Variants in MAN1A2 observed in about 807,000 individuals in gnomAD.
MAN1A2 encodes mannosidase alpha class 1A member 2.
In MAN1A2, 26 loss-of-function variants were observed where a neutral mutation model predicts 75.7. The ratio of observed to expected loss-of-function variants is 0.34; its 90% CI spans 0.25 to 0.48. The LOEUF is 0.48. Among genes scored for constraint, MAN1A2 ranks in the 20% least tolerant of loss-of-function variants. The pLI is 0.99. For missense variants in MAN1A2, 562 were observed against 775.5 expected (o/e 0.72, Z 3.27); for synonymous variants, 247 against 264.6 (o/e 0.93, Z 0.65).
intron 8 of MAN1A2, among the ~76,000 whole-genome samples, chr1:117,472,564 A>G (rs780617367): frequency 3.3e-5 from 5 of 152,054 alleles, no homozygotes; most frequent in Admixed American, 6.6e-5. Flanking sequence ...ATGTGATGTA[A>G]TATAATGGTA....
chr1:117,430,036 C>T (rs1171253004), intron 5 of MAN1A2, among the ~76,000 whole-genome samples: 1 of 41,050 alleles, frequency 2.4e-5, no homozygotes. Context: ...GGGGGGCTGA[C>T]CCCCCCACCT....
In MAN1A2 at chr1:117,377,627, G is replaced by C. The variant is rs74112244; in HGVS notation, c.302+9142G>C. Among the ~76,000 whole-genome samples, 4 of 152,132 alleles carry C rather than the reference G, an allele frequency of 2.6e-5. No homozygotes were observed. In the South Asian group the frequency reaches 6.2e-4, roughly 24 times the overall value. ...AGTGACCTAGATGTCTGTCAGCAGG[G>C]TATTAGTTAAATAAATGATATATCC... On this transcript the variant is annotated intron_variant, in intron 1 of 12. Transcript: ENST00000356554.
At chr1:117,393,404 C>A (rs1230633931) in intron 1 of MAN1A2, among the ~76,000 whole-genome samples, 1 of 151,822 alleles carries the variant, frequency 6.6e-6, no homozygotes, top group Non-Finnish European at 1.5e-5. Flanking sequence ...GCTGACTATC[C>A]TATAGTCATT....
In MAN1A2 at chr1:117,525,288, A is replaced by C. The variant is rs868324800; in HGVS notation, c.*2331A>C. On this transcript the variant is annotated 3_prime_UTR_variant, in exon 13 of 13. Coordinates refer to ENST00000356554, the MANE Select transcript of MAN1A2 (RefSeq NM_006699.5). ...CTATGTGATGGAAAGACTAGAGCTTATAAAAGTACTTCCATTTTTTTATTC... is the reference window on the plus strand; with the variant it reads ...CTATGTGATGGAAAGACTAGAGCTTCTAAAAGTACTTCCATTTTTTTATTC... The C allele has an allele frequency of 3.7e-6, 1 of 272,584 alleles. No individual in the cohort carries two copies. Among genetic ancestry groups the C allele is most frequent in the South Asian group, 4.0e-5 (1 of 24,726 alleles). The allele number at this position is 272,584 out of a possible 1,614,324, so 16.9% of individuals were successfully genotyped here.
At chr1:117,447,056 A>G (rs73018153) in intron 6 of MAN1A2, among the ~76,000 whole-genome samples, 2,745 of 152,224 alleles carry the variant, frequency 0.018, 23 homozygotes, top group East Asian at 0.053. Context: ...GAAGTTTATC[A>G]GATATTAATG....
chr1:117,478,034 A>C (rs896645193), intron 8 of MAN1A2, among the ~76,000 whole-genome samples: 1 of 152,074 alleles, frequency 6.6e-6, no homozygotes, highest in Admixed American at 6.6e-5. Context: ...CCCATTCACA[A>C]TTGCTACAAA....
chr1:117,442,970 A>G (rs1649092396), intron 6 of MAN1A2, among the ~76,000 whole-genome samples: 1 of 152,184 alleles, frequency 6.6e-6, no homozygotes, highest in South Asian at 2.1e-4. Context: ...AGAGATATAC[A>G]ATTAACATTT....
intron 5 of MAN1A2, among the ~76,000 whole-genome samples, chr1:117,433,160 G>A (rs999455977): frequency 6.6e-6 from 1 of 151,958 alleles, no homozygotes; most frequent in Non-Finnish European, 1.5e-5. Context: ...AGTACAGCGT[G>A]ATAATTCCCA....
At chr1:117,437,540 TGTA>T (rs1459289774) in intron 5 of MAN1A2, among the ~76,000 whole-genome samples, 1 of 152,098 alleles carries the variant, frequency 6.6e-6, no homozygotes, top group Admixed American at 6.5e-5. Context: ...TAATGCAAGG[TGTA>T]GGAGTGTGTG....
intron 1 of MAN1A2, among the ~76,000 whole-genome samples, chr1:117,400,096 T>C (rs1193476054): frequency 6.6e-6 from 1 of 152,044 alleles, no homozygotes; most frequent in East Asian, 1.9e-4. Context: ...TCTGCCTGAG[T>C]CGCCTGAACA....
chr1:117,373,810 G>T (rs756125829), intron 1 of MAN1A2, among the ~76,000 whole-genome samples: 8 of 152,042 alleles, frequency 5.3e-5, no homozygotes, highest in African/African-American at 1.9e-4. Flanking sequence ...TATTTTTATC[G>T]ATATGGATAC....
At position 117,502,962 on chromosome 1, in the gene MAN1A2, A is replaced by G. The variant is rs750844204; in HGVS notation, c.1785A>G (p.Glu595=). ...DDVQQSFFLA[E]TLKYLYLLFS... is the part of the protein sequence containing the mutation. ...TACAGCAGAGCTTTTTTCTTGCTGA[A>G]ACATTAAAGTAAGTATATAGCTTTA... Residue 595 remains glutamate (E), a synonymous_variant, in exon 12 of 13, where the codon GAA becomes GAG. Coordinates refer to ENST00000356554, the MANE Select transcript of MAN1A2 (RefSeq NM_006699.5). 5 of 1,568,864 alleles carry G rather than the reference A, an allele frequency of 3.2e-6. No individual in the cohort carries two copies. The South Asian group carries it at 5.7e-5, about 18-fold the overall frequency.
chr1:117,416,859 C>A (rs936921733), intron 4 of MAN1A2, among the ~76,000 whole-genome samples: 1 of 152,228 alleles, frequency 6.6e-6, no homozygotes, highest in South Asian at 2.1e-4. Context: ...GAGGAGGAGA[C>A]ACCTAGCCAA....
chr1:117,484,200 AG>A (rs1650592525), intron 8 of MAN1A2, among the ~76,000 whole-genome samples: 1 of 151,958 alleles, frequency 6.6e-6, no homozygotes, highest in South Asian at 2.1e-4. Context: ...AGTAAGCCAG[AG>A]AAAATAAAAT....
intron 1 of MAN1A2, among the ~76,000 whole-genome samples, chr1:117,396,304 T>C (rs559754571): frequency 8.3e-4 from 126 of 152,312 alleles, no homozygotes; most frequent in African/African-American, 2.8e-3. Context: ...TTCTATCAAC[T>C]ATGACACATT....
At chr1:117,462,223 T>C (rs1026249709) in intron 7 of MAN1A2, among the ~76,000 whole-genome samples, 2 of 152,150 alleles carry the variant, frequency 1.3e-5, no homozygotes, top group African/African-American at 4.8e-5. Context: ...AAAAATACCC[T>C]GTAACCCAGC....
intron 6 of MAN1A2, among the ~76,000 whole-genome samples, chr1:117,449,495 C>G: frequency 6.7e-6 from 1 of 149,954 alleles, no homozygotes; most frequent in East Asian, 2.0e-4. Context: ...GGAAGCAGAG[C>G]TTGCAGTGAG....
chr1:117,411,619 A>G (rs1647821065), intron 3 of MAN1A2, among the ~76,000 whole-genome samples: 1 of 151,832 alleles, frequency 6.6e-6, no homozygotes, highest in South Asian at 2.1e-4. Context: ...ACATCAGGAA[A>G]TTGGAAAGAC....
intron 6 of MAN1A2, among the ~76,000 whole-genome samples, chr1:117,460,077 A>C (rs1649767989): frequency 6.6e-6 from 1 of 152,136 alleles, no homozygotes; most frequent in Non-Finnish European, 1.5e-5. Flanking sequence ...AAAAAAAAAA[A>C]AAAACTGAGA....
Sources: allele counts gnomAD v4.1 joint callset (sites outside exome capture counted in the v4.1 genomes callset), GRCh38; gene constraint gnomAD v4.1.1; transcripts MANE v1.5; gene names NCBI Gene and HGNC (gene_info 2026-07-23, HGNC 2026-07-21).